TMEM45A: variants seen among roughly 807,000 people sequenced by gnomAD.
TMEM45A encodes the protein transmembrane protein 45A.
TMEM45A carries 25 observed loss-of-function variants against 32.0 expected under a neutral mutation model. The observed-to-expected ratio is 0.78, with a 90% CI of 0.57 to 1.09. The LOEUF (loss-of-function observed/expected upper bound fraction) is 1.09, where lower values mean the gene tolerates loss of function less well. TMEM45A is among the 50% of genes least tolerant of loss of function. TMEM45A has a pLI of 0.00. For synonymous variants in TMEM45A, 122 were observed against 114.8 expected, an observed-to-expected ratio of 1.06 and a Z score of -0.40; for missense variants, 302 against 325.0, an observed-to-expected ratio of 0.93 and a Z score of 0.54.
chr3:100,565,530 C>A (rs938264344), intron 4 of TMEM45A, among the ~76,000 whole-genome samples: 1 of 151,766 alleles, frequency 6.6e-6, no homozygotes, highest in African/African-American at 2.4e-5. Flanking sequence ...CACTAAATCA[C>A]CCGATTTTAT....
chr3:100,520,829 C>T (rs536517624), intron 1 of TMEM45A, among the ~76,000 whole-genome samples: 95 of 152,240 alleles, frequency 6.2e-4, no homozygotes, highest in Middle Eastern at 3.4e-3. Context: ...TCACTTTCTC[C>T]GTCTTGGTCC....
At chr3:100,572,599 G>T (rs1182578758) in intron 5 of TMEM45A, 1 of 151,860 alleles carries the variant, frequency 6.6e-6, no homozygotes, top group South Asian at 2.1e-4. Flanking sequence ...AAGCTCTTTA[G>T]TTTAATTAGA....
intron 1 of TMEM45A, among the ~76,000 whole-genome samples, chr3:100,501,768 T>C (rs560840020): frequency 6.6e-6 from 1 of 152,300 alleles, no homozygotes; most frequent in South Asian, 2.1e-4. Flanking sequence ...CATAGGTGTT[T>C]AGGAGACATC....
intron 1 of TMEM45A, among the ~76,000 whole-genome samples, chr3:100,510,503 A>G (rs1708142356): frequency 1.3e-5 from 2 of 152,320 alleles, no homozygotes; most frequent in Middle Eastern, 3.4e-3. Context: ...AGTAGATAAA[A>G]CCACAAAGAT....
At chr3:100,517,647 A>T (rs1170576394) in intron 1 of TMEM45A, among the ~76,000 whole-genome samples, 1 of 152,186 alleles carries the variant, frequency 6.6e-6, no homozygotes, top group Non-Finnish European at 1.5e-5. Context: ...ATCTAAGGTG[A>T]TATTCTTTAT....
chr3:100,557,394 T>G (rs1435081206), intron 3 of TMEM45A, among the ~76,000 whole-genome samples: 2 of 152,198 alleles, frequency 1.3e-5, no homozygotes, highest in Non-Finnish European at 2.9e-5. Context: ...TTCATATTGA[T>G]ACAGTAATAC....
chr3:100,512,311 T>C (rs1243307045), intron 1 of TMEM45A, among the ~76,000 whole-genome samples: 2 of 152,138 alleles, frequency 1.3e-5, no homozygotes, highest in African/African-American at 4.8e-5. Context: ...GAACTCAGGA[T>C]TAAGAATCTC....
At chr3:100,523,200 A>G (rs1448460693) in intron 1 of TMEM45A, among the ~76,000 whole-genome samples, 2 of 152,190 alleles carry the variant, frequency 1.3e-5, no homozygotes, top group Non-Finnish European at 2.9e-5. Context: ...CAGGTGTCAT[A>G]GACGTTCTGC....
At chr3:100,530,966 G>A (rs1705635882) in intron 1 of TMEM45A, among the ~76,000 whole-genome samples, 2 of 151,980 alleles carry the variant, frequency 1.3e-5, no homozygotes, top group Admixed American at 6.6e-5. Context: ...CCATAAATTA[G>A]TAATTATATA....
chr3:100,554,702 G>C (rs897024176), intron 1 of TMEM45A, among the ~76,000 whole-genome samples: 4 of 152,192 alleles, frequency 2.6e-5, no homozygotes, highest in African/African-American at 9.7e-5. Context: ...ATCATTTCAA[G>C]TTTTAAACAT....
intron 1 of TMEM45A, among the ~76,000 whole-genome samples, chr3:100,513,387 T>A (rs1330256119): frequency 6.6e-6 from 1 of 151,224 alleles, no homozygotes; most frequent in Non-Finnish European, 1.5e-5. Flanking sequence ...CATGATTATC[T>A]CAATAGATGC....
At chr3:100,576,733 G>A (rs537557308) in intron 5 of TMEM45A, among the ~76,000 whole-genome samples, 192 bp from the exon 6 acceptor site, 1 of 152,324 alleles carries the variant, frequency 6.6e-6, no homozygotes, top group East Asian at 1.9e-4. Flanking sequence ...CGTTGTATCT[G>A]TTTACTTATA....
At chr3:100,494,742 G>T (rs1012931209) in intron 1 of TMEM45A, among the ~76,000 whole-genome samples, 9 of 152,162 alleles carry the variant, frequency 5.9e-5, no homozygotes, top group African/African-American at 1.9e-4. Flanking sequence ...GAACAGTATT[G>T]CAGAGAAGCG....
At chr3:100,515,385 A>G (rs1389788599) in intron 1 of TMEM45A, among the ~76,000 whole-genome samples, 1 of 150,338 alleles carries the variant, frequency 6.7e-6, no homozygotes, top group African/African-American at 2.4e-5. Flanking sequence ...AGAACAAAAA[A>G]CCAAACACCG....
intron 1 of TMEM45A, among the ~76,000 whole-genome samples, chr3:100,547,080 CAT>C (rs915928597): frequency 1.2e-4 from 19 of 152,128 alleles, no homozygotes; most frequent in African/African-American, 2.7e-4. Flanking sequence ...CCAATTAACA[CAT>C]GTTTCATATG....
chr3:100,563,427 C>T (rs1357474445), intron 4 of TMEM45A, among the ~76,000 whole-genome samples: 4 of 152,192 alleles, frequency 2.6e-5, no homozygotes, highest in Non-Finnish European at 5.9e-5. Context: ...ACTACAAATG[C>T]TAACTCTTAT....
chr3:100,552,405 C>T (rs1275719955), intron 1 of TMEM45A, among the ~76,000 whole-genome samples: 2 of 152,118 alleles, frequency 1.3e-5, no homozygotes, highest in Non-Finnish European at 2.9e-5. Context: ...GGGACCCTCC[C>T]CTATTTGGGC....
At chr3:100,502,169 G>T (rs1461722287) in intron 1 of TMEM45A, among the ~76,000 whole-genome samples, 1 of 149,988 alleles carries the variant, frequency 6.7e-6, no homozygotes. Context: ...ATTAAAAAAA[G>T]AAAAAGTTCC....
At chr3:100,532,442 C>A (rs1705663733) in intron 1 of TMEM45A, among the ~76,000 whole-genome samples, 1 of 152,210 alleles carries the variant, frequency 6.6e-6, no homozygotes, top group African/African-American at 2.4e-5. Context: ...CTTAACAGAT[C>A]ATTTAAAAAT....
Sources: gnomAD v4.1 joint callset for allele counts (sites outside exome capture counted in the v4.1 genomes callset) on GRCh38, gnomAD v4.1.1 for gene constraint, MANE v1.5 for transcripts, NCBI Gene and HGNC (gene_info 2026-07-23, HGNC 2026-07-21) for gene names.